Variants in ATG7 observed in about 807,000 individuals in gnomAD.
The protein encoded by ATG7 is autophagy related 7.
Under a neutral mutation model 82.4 loss-of-function variants are expected in ATG7, and 70 were observed. The ratio of observed to expected loss-of-function variants is 0.85; its 90% CI spans 0.70 to 1.04. The LOEUF (loss-of-function observed/expected upper bound fraction) is 1.04. Ranked by LOEUF, ATG7 falls within the 50% of genes least tolerant of loss-of-function variation. The pLI, the probability that ATG7 is intolerant of heterozygous loss-of-function variation, is 0.00. For synonymous variants in ATG7, 287 were observed against 313.0 expected (o/e 0.92, Z 0.88); for missense variants, 792 against 864.3 (o/e 0.92, Z 1.05).
At chr3:11,519,205 A>G (rs2092366707) in intron 20 of ATG7, among the ~76,000 whole-genome samples, 2 of 152,208 alleles carry the variant, frequency 1.3e-5, no homozygotes, top group Non-Finnish European at 2.9e-5. Context: ...AAAGGAATAA[A>G]TTTCCATGTT....
At chr3:11,564,620 G>A in the ATG7 span, 1 of 747,620 alleles carries the variant, frequency 1.3e-6, no homozygotes, top group East Asian at 2.8e-5. Context: ...CTCCTGTTCT[G>A]CTGTCCCTTG....
intron 20 of ATG7, among the ~76,000 whole-genome samples, chr3:11,511,806 T>G (rs9682500): frequency 0.011 from 1,707 of 151,964 alleles, 29 homozygotes; most frequent in African/African-American, 0.038. Flanking sequence ...ACTGCTGGGG[T>G]ACTCAGTACA....
chr3:11,292,204 T>C (rs988303388), intron 3 of ATG7, among the ~76,000 whole-genome samples: 1 of 152,112 alleles, frequency 6.6e-6, no homozygotes, highest in African/African-American at 2.4e-5. Flanking sequence ...GTTCCCCTAC[T>C]TTCCTAGCTG....
At chr3:11,276,449 A>G (rs1941818040) in intron 1 of ATG7, among the ~76,000 whole-genome samples, 1 of 152,144 alleles carries the variant, frequency 6.6e-6, no homozygotes, top group African/African-American at 2.4e-5. Flanking sequence ...AAAAAACAAA[A>G]ACCCTCCAAT....
intron 20 of ATG7, chr3:11,477,346 C>A: frequency 8.9e-7 from 1 of 1,128,530 alleles, no homozygotes. Context: ...TAAATACGTT[C>A]AGTAATGAAT....
At chr3:11,549,569 G>C (rs1354594218) in intron 20 of ATG7, among the ~76,000 whole-genome samples, 7 of 152,078 alleles carry the variant, frequency 4.6e-5, no homozygotes, top group Non-Finnish European at 7.4e-5. Context: ...ATGTGTTGTC[G>C]CACCCATCAG....
At chr3:11,516,332 ATAAT>A (rs2092281733) in intron 20 of ATG7, among the ~76,000 whole-genome samples, 1 of 147,718 alleles carries the variant, frequency 6.8e-6, no homozygotes, top group Non-Finnish European at 1.5e-5. Context: ...AACTTAAAGT[ATAAT>A]AATAATAAAA....
intron 1 of ATG7, 91 bp downstream of exon 1, chr3:11,272,521 G>C (rs1940663479): frequency 6.6e-6 from 1 of 152,658 alleles, no homozygotes. Context: ...GCCAGGGAGG[G>C]CGAGGGTCAC....
chr3:11,462,154 C>G (rs2086372519), intron 20 of ATG7, among the ~76,000 whole-genome samples: 1 of 152,118 alleles, frequency 6.6e-6, no homozygotes, highest in Non-Finnish European at 1.5e-5. Context: ...GAAGCCATTG[C>G]CTTCAAGAGC....
intron 20 of ATG7, among the ~76,000 whole-genome samples, chr3:11,439,221 A>C (rs980880698): frequency 5.9e-5 from 9 of 151,442 alleles, no homozygotes; most frequent in African/African-American, 1.9e-4. Flanking sequence ...GGCGCCCACC[A>C]CCACGCCCGG....
chr3:11,476,622 C>T (rs1182325524), intron 20 of ATG7, among the ~76,000 whole-genome samples: 2 of 152,098 alleles, frequency 1.3e-5, no homozygotes, highest in African/African-American at 4.8e-5. Context: ...AATGGTAACT[C>T]ACTTTATTCT....
At chr3:11,565,716 C>T in the ATG7 span, among the ~76,000 whole-genome samples, 1 of 152,332 alleles carries the variant, frequency 6.6e-6, no homozygotes, top group East Asian at 1.9e-4. This position sits in a 1 kb window ranked among gnomAD's most constrained non-coding sequence, Gnocchi z 4.1. Flanking sequence ...TAGCCCTGGC[C>T]ATGTGCTGAG....
chr3:11,305,887 G>A (rs929994188), intron 5 of ATG7, among the ~76,000 whole-genome samples: 1 of 152,166 alleles, frequency 6.6e-6, no homozygotes, highest in African/African-American at 2.4e-5. Context: ...AAAGACATAG[G>A]TTCTTCTAAA....
chr3:11,478,045 G>T (rs1306908737), intron 20 of ATG7, among the ~76,000 whole-genome samples: 1 of 152,106 alleles, frequency 6.6e-6, no homozygotes, highest in Non-Finnish European at 1.5e-5. Flanking sequence ...CTGTTGCCGA[G>T]TAAATAGCAC....
chr3:11,275,361 T>A (rs1235616530), intron 1 of ATG7, among the ~76,000 whole-genome samples: 1 of 151,382 alleles, frequency 6.6e-6, no homozygotes, highest in East Asian at 1.9e-4. Flanking sequence ...TTTTTTCTTT[T>A]TTTTTGAGAT....
At chr3:11,287,463 A>G (rs758816154) in intron 3 of ATG7, among the ~76,000 whole-genome samples, 13 of 152,306 alleles carry the variant, frequency 8.5e-5, no homozygotes, top group South Asian at 4.1e-4. Flanking sequence ...GCTAAGGAGC[A>G]TCAAGTCAGA....
chr3:11,465,052 T>A (rs1344680160), intron 20 of ATG7, among the ~76,000 whole-genome samples: 1 of 4,176 alleles, frequency 2.4e-4, no homozygotes, highest in Non-Finnish European at 4.1e-4. Flanking sequence ...AAAGGAAAAA[T>A]TTTTTTTCTT....
chr3:11,449,575 G>T (rs1239815173), intron 20 of ATG7, among the ~76,000 whole-genome samples: 4 of 152,164 alleles, frequency 2.6e-5, no homozygotes, highest in African/African-American at 9.7e-5. Flanking sequence ...ATTCTAGAGA[G>T]AATGATTTTC....
At chr3:11,477,489 A>G (rs976350612) in intron 20 of ATG7, among the ~76,000 whole-genome samples, 5 of 152,230 alleles carry the variant, frequency 3.3e-5, no homozygotes, top group South Asian at 2.1e-4. Flanking sequence ...TTCTTGATAT[A>G]TAAATTGATA....
Sources: gnomAD v4.1 joint callset for allele counts (sites outside exome capture counted in the v4.1 genomes callset) on GRCh38, gnomAD v4.1.1 for gene constraint, Gnocchi (gnomAD v3.1) non-coding constraint, MANE v1.5 for transcripts, NCBI Gene and HGNC (gene_info 2026-07-23, HGNC 2026-07-21) for gene names.